The following PTPN13 variants were observed in gnomAD, a reference collection of about 807,000 sequenced individuals.
PTPN13 encodes protein tyrosine phosphatase non-receptor type 13, also known as tyrosine-protein phosphatase non-receptor type 13.
PTPN13 carries 191 observed loss-of-function variants against 284.0 expected under a neutral mutation model. That is an observed-to-expected ratio of 0.67 (90% CI 0.60 to 0.76). PTPN13 has a LOEUF of 0.76. Among genes scored for constraint, PTPN13 ranks in the 30% least tolerant of loss-of-function variants. PTPN13 has a pLI of 0.00. For missense variants in PTPN13, 2,797 were observed against 2,939.9 expected (o/e 0.95, Z 1.12); for synonymous variants, 986 against 1,022.3 (o/e 0.96, Z 0.68).
chr4:86,750,759 A>G lies in PTPN13; in HGVS notation c.2940A>G (p.Pro980=). Residue 980 remains proline, a synonymous_variant, in exon 18 of 48, where the codon CCA becomes CCG. Coordinates refer to ENST00000411767, the MANE Select transcript of PTPN13 (RefSeq NM_080683.3). ...ATCTCAGTCAGGCCTCTCTCTATCC[A>G]CATCGGAAAAATGTCATTGTTAACA... ...YHDLSQASLY[P]HRKNVIVNME... is the part of the protein sequence containing the mutation. The G allele has an allele frequency of 6.2e-7, 1 of 1,613,640 alleles. No homozygotes were observed. Among genetic ancestry groups the G allele is most frequent in the Non-Finnish European group, 8.5e-7 (1 of 1,179,720 alleles).
In PTPN13 at chr4:86,805,294, A is replaced by G. The variant is rs766704898; in HGVS notation, c.6670A>G (p.Lys2224Glu). The change falls in exon 44 of 48, where the codon AAA becomes GAA. Residue 2224 changes from lysine (K) to glutamate (E), a missense_variant. Transcript: ENST00000411767. ...TTGCTTACAGAATCTTCAAGAATTA[A>G]AACCTTTGGATCAGTGTCTAATTGG... The part of the protein sequence containing the change: ...SKELENLQEL[K>E]PLDQCLIGQT... The G allele has an allele frequency of 6.3e-7, 1 of 1,590,646 alleles. No homozygotes were observed.
At chr4:86,669,986 T>A (rs1349827344) in intron 2 of PTPN13, among the ~76,000 whole-genome samples, 1 of 151,558 alleles carries the variant, frequency 6.6e-6, no homozygotes, top group Non-Finnish European at 1.5e-5. Context: ...ATTAAAATAG[T>A]GGGATGGAGA....
intron 2 of PTPN13, among the ~76,000 whole-genome samples, chr4:86,637,289 A>G (rs1723138075): frequency 1.3e-5 from 2 of 152,164 alleles, no homozygotes; most frequent in Admixed American, 1.3e-4. Context: ...AAACTATTCC[A>G]ATCAACAGAA....
intron 35 of PTPN13, among the ~76,000 whole-genome samples, chr4:86,779,966 A>G (rs1032188942): frequency 2.0e-5 from 3 of 152,220 alleles, no homozygotes; most frequent in African/African-American, 7.2e-5. Flanking sequence ...TAAACTATTG[A>G]CTAAGTGACA....
At chr4:86,635,455 T>A (rs1435696572) in intron 2 of PTPN13, 84 bp downstream of exon 2, 2 of 1,513,596 alleles carry the variant, frequency 1.3e-6, no homozygotes, top group Non-Finnish European at 1.8e-6. Flanking sequence ...GAGATTAGAT[T>A]TTTGTTTCAT....
chr4:86,618,780 A>G (rs1720890717), intron 1 of PTPN13, among the ~76,000 whole-genome samples: 1 of 152,196 alleles, frequency 6.6e-6, no homozygotes, highest in Non-Finnish European at 1.5e-5. Flanking sequence ...TTGATTTTGT[A>G]TCCTGAGACT....
At chr4:86,595,010 A>C (rs1273001718) in intron 1 of PTPN13, among the ~76,000 whole-genome samples, 1 of 152,110 alleles carries the variant, frequency 6.6e-6, no homozygotes, top group Non-Finnish European at 1.5e-5. Flanking sequence ...GAATGAGATG[A>C]AACTCCATTG....
At position 86,725,009 on chromosome 4, in the gene PTPN13, G is replaced by A. The variant is rs374539005; in HGVS notation, c.1608+2575G>A. ...CAGAACTTGGTGTGTGATGTTTCCC[G>A]CCCCGTGTCCATGTGTTCTCATTGT... On this transcript the variant is annotated intron_variant, in intron 10 of 47. Coordinates refer to ENST00000411767, the MANE Select transcript of PTPN13 (RefSeq NM_080683.3). 3.8e-4 allele frequency among the ~76,000 whole-genome samples: 44 copies of A among 114,426 alleles called. No individual in the cohort carries two copies. In the East Asian group the frequency reaches 6.4e-3, roughly 17 times the overall value. 75.1% of individuals were successfully genotyped at this position (114,426 alleles called of 152,430 possible). A position where few individuals can be genotyped will look rare whatever the true frequency, so the allele number is the denominator to read the frequency against.
chr4:86,716,064 G>T (rs1732976925), intron 7 of PTPN13, among the ~76,000 whole-genome samples: 2 of 152,164 alleles, frequency 1.3e-5, no homozygotes, highest in African/African-American at 4.8e-5. Context: ...CTTTGAGATT[G>T]TTGTGTCTTT....
chr4:86,714,278 C>T (rs1732753256), intron 7 of PTPN13, among the ~76,000 whole-genome samples: 1 of 152,082 alleles, frequency 6.6e-6, no homozygotes, highest in Middle Eastern at 3.2e-3. Context: ...TATTTCCAGG[C>T]AACATTATGA....
At chr4:86,657,246 C>T (rs1725955913) in intron 2 of PTPN13, among the ~76,000 whole-genome samples, 1 of 152,180 alleles carries the variant, frequency 6.6e-6, no homozygotes, top group Non-Finnish European at 1.5e-5. Context: ...CACCCACTGT[C>T]TGACAAGCCC....
At position 86,734,942 on chromosome 4, in the gene PTPN13, C is replaced by A. The variant is rs975958999; in HGVS notation, c.2151+67C>A. 3 of 1,508,612 alleles carry A rather than the reference C, an allele frequency of 2.0e-6. No homozygotes were observed. In the Admixed American group the frequency reaches 5.5e-5, roughly 28 times the overall value. The allele number at this position is 1,508,612 out of a possible 1,614,324, so 93.5% of individuals were successfully genotyped here. On this transcript the variant is annotated intron_variant, in intron 14 of 47. Transcript: ENST00000411767. ...TTGTTACCTTTAACATAGTTAATGACTAAACCTGATTCAGGTGTTTGATGT... is the reference window on the plus strand; with the variant it reads ...TTGTTACCTTTAACATAGTTAATGAATAAACCTGATTCAGGTGTTTGATGT...
At chr4:86,629,040 A>G (rs1722168485) in intron 1 of PTPN13, among the ~76,000 whole-genome samples, 1 of 152,002 alleles carries the variant, frequency 6.6e-6, no homozygotes, top group Non-Finnish European at 1.5e-5. Flanking sequence ...GGCGTGGGCA[A>G]GGACTTCATG....
intron 7 of PTPN13, among the ~76,000 whole-genome samples, chr4:86,708,893 A>G (rs1023718877): frequency 4.6e-5 from 7 of 151,636 alleles, no homozygotes; most frequent in African/African-American, 1.5e-4. Context: ...AGCATTTCCC[A>G]TATCACACCT....
intron 2 of PTPN13, among the ~76,000 whole-genome samples, chr4:86,653,495 CTT>C (rs561218570): frequency 2.1e-4 from 29 of 140,984 alleles, no homozygotes; most frequent in Non-Finnish European, 1.7e-4. Context: ...CGCCTCAACT[CTT>C]TTTTTTTTTT....
At chr4:86,800,907 T>A (rs952197290) in intron 42 of PTPN13, among the ~76,000 whole-genome samples, 2 of 152,208 alleles carry the variant, frequency 1.3e-5, no homozygotes, top group Non-Finnish European at 2.9e-5. Context: ...GTAAATTTTG[T>A]ATTCCCAGCC....
At chr4:86,772,272 A>G (rs1287350522) in intron 31 of PTPN13, among the ~76,000 whole-genome samples, 1 of 152,110 alleles carries the variant, frequency 6.6e-6, no homozygotes, top group Non-Finnish European at 1.5e-5. Flanking sequence ...AATAGAACCT[A>G]GGCCGGCGCG....
intron 20 of PTPN13, among the ~76,000 whole-genome samples, chr4:86,757,048 T>A (rs1461743192): frequency 6.6e-6 from 1 of 152,170 alleles, no homozygotes; most frequent in Non-Finnish European, 1.5e-5. Context: ...CAATTTGAAC[T>A]GTCATTGTAA....
chr4:86,614,897 A>G (rs1160172920), intron 1 of PTPN13, among the ~76,000 whole-genome samples: 1 of 152,160 alleles, frequency 6.6e-6, no homozygotes, highest in Non-Finnish European at 1.5e-5. Context: ...TGGTTGTATT[A>G]TAATTGTACT....
Sources: allele counts gnomAD v4.1 joint callset (sites outside exome capture counted in the v4.1 genomes callset), GRCh38; gene constraint gnomAD v4.1.1; transcripts MANE v1.5; gene names NCBI Gene and HGNC (gene_info 2026-07-23, HGNC 2026-07-21).